The following A2M variants were observed in gnomAD, a reference collection of about 807,000 sequenced individuals.
A2M encodes alpha-2-macroglobulin.
A2M carries 128 observed loss-of-function variants against 183.9 expected under a neutral mutation model. That is an observed-to-expected ratio of 0.70 (90% CI 0.60 to 0.81). A2M has a LOEUF of 0.81. A2M is among the 30% of genes least tolerant of loss of function. The pLI, the probability that A2M is intolerant of heterozygous loss-of-function variation, is 0.00. For synonymous variants in A2M, 592 were observed against 670.8 expected (o/e 0.88, Z 1.81); for missense variants, 1,495 against 1,787.6 (o/e 0.84, Z 2.95).
chr12:9,113,328 C>A (rs1202742866), intron 2 of A2M, 32 bp downstream of exon 2: 53 of 1,607,458 alleles, frequency 3.3e-5, no homozygotes, highest in Non-Finnish European at 4.3e-5. Context: ...ACTAAAAGAA[C>A]CAAGTATATT....
chr12:9,091,506 G>T lies in A2M; in HGVS notation c.2241-77C>A, dbSNP rs11833893. ...TTCTAGGGAGAGAATCCCTAGGAAT[G>T]ATTCTACTGCCATGACTTAAAAACA... On this transcript the variant is annotated intron_variant, in intron 18 of 35. Transcript: ENST00000318602. The T allele has an allele frequency of 1.3e-3, 1,948 of 1,463,156 alleles. 23 individuals are homozygous for T. In the African/African-American group the frequency reaches 0.024, roughly 18 times the overall value. The allele number at this position is 1,463,156 out of a possible 1,614,324, so 90.6% of individuals were successfully genotyped here. A position where few individuals can be genotyped will look rare whatever the true frequency, so the allele number is the denominator to read the frequency against.
chr12:9,110,259 A>T, intron 5 of A2M, 55 bp downstream of exon 5: 3 of 1,355,584 alleles, frequency 2.2e-6, no homozygotes, highest in Non-Finnish European at 3.0e-6. Flanking sequence ...AAATAAGAAC[A>T]TTTTCCCTAT....
rs1459205515 is a variant in A2M, at chr12:9,095,635, A to T, written c.1917T>A (p.Asn639Lys). Residue 639 changes from asparagine (N) to lysine (K), a missense_variant, in exon 16 of 36, where the codon AAT becomes AAA. By Grantham distance (94) the Asn-to-Lys change is moderately conservative. Coordinates refer to ENST00000318602, the MANE Select transcript of A2M (RefSeq NM_000014.6). ...CATTATGACGATTGATGCAGTCTTC[A>T]TTGTCCTGGTCATTCAAAGGCCCAG... is the stretch of plus-strand genomic sequence containing the variant. ...GFPGPLNDQDNEDCINRHNVY... is the reference protein window; with the variant it reads ...GFPGPLNDQDKEDCINRHNVY... The T allele has an allele frequency of 6.2e-7, 1 of 1,612,744 alleles. No individual in the cohort carries two copies. The highest frequency in any genetic ancestry group is 8.5e-7 in the Non-Finnish European group (1 of 1,179,036).
At chr12:9,083,867 C>G (rs1490190999) in intron 22 of A2M, among the ~76,000 whole-genome samples, 4 of 151,174 alleles carry the variant, frequency 2.6e-5, no homozygotes, top group African/African-American at 9.7e-5. Flanking sequence ...AAGAACTGCT[C>G]ACTAAGACAC....
intron 1 of A2M, among the ~76,000 whole-genome samples, chr12:9,114,896 A>T (rs182028342): frequency 1.1e-4 from 16 of 152,334 alleles, no homozygotes; most frequent in Non-Finnish European, 2.1e-4. Context: ...AATACAAAGT[A>T]TGATTCATAC....
intron 25 of A2M, 22 bp from the exon 26 acceptor site, chr12:9,077,879 A>G (rs756313940): frequency 6.2e-7 from 1 of 1,613,970 alleles, no homozygotes; most frequent in Non-Finnish European, 8.5e-7. Flanking sequence ...GGAAGCAATC[A>G]TGATGTTTAT....
rs746195619 is a variant in A2M at position 9,113,524 on chromosome 12, G to A, written c.106C>T (p.Pro36Ser). ...GTGGTCTCAGTGTGGAGCAGGGAGGGGACCAGAACCATATACTGCCTGGGA... is the reference window on the plus strand; with the variant it reads ...GTGGTCTCAGTGTGGAGCAGGGAGGAGACCAGAACCATATACTGCCTGGGA... ...SGKPQYMVLV[P>S]SLLHTETTEK... The change falls in exon 2 of 36, where the codon CCC (proline) becomes TCC (serine). Residue 36 changes from proline (P) to serine (S), a missense_variant. Coordinates refer to ENST00000318602, the MANE Select transcript of A2M (RefSeq NM_000014.6). 3 of 1,613,732 alleles carry A rather than the reference G, an allele frequency of 1.9e-6. No individual in the cohort carries two copies. The highest frequency in any genetic ancestry group is 1.3e-5 in the African/African-American group (1 of 74,932).
At chr12:9,094,055 C>T (rs1368949453) in intron 17 of A2M, among the ~76,000 whole-genome samples, 3 of 151,932 alleles carry the variant, frequency 2.0e-5, no homozygotes, top group South Asian at 2.1e-4. Flanking sequence ...TGGCTGCTGC[C>T]GCTGTGCTAA....
chr12:9,084,156 C>T (rs1032234663), intron 22 of A2M, among the ~76,000 whole-genome samples: 2 of 152,122 alleles, frequency 1.3e-5, no homozygotes, highest in Middle Eastern at 3.4e-3. Context: ...CTAAGGGAGT[C>T]GTCAACATTA....
rs765448895 is a variant in A2M, at chr12:9,079,361, A to G, written c.3032-30T>C. The G allele has an allele frequency of 2.6e-6, 4 of 1,557,854 alleles. No homozygotes were observed. The Admixed American group carries it at 6.7e-5, about 26-fold the overall frequency. ...AAAGGAAGATTAACGAAACAGCACA[A>G]TGGATTAATGTGCATGCTGAGGGTG... On this transcript the variant is annotated intron_variant, in intron 24 of 35. Transcript: ENST00000318602.
At chr12:9,083,609 A>T (rs1349714902) in intron 22 of A2M, among the ~76,000 whole-genome samples, 1 of 151,808 alleles carries the variant, frequency 6.6e-6, no homozygotes, top group East Asian at 1.9e-4. Flanking sequence ...AGAAGAGCAG[A>T]AAGACAAAAG....
chr12:9,074,686 G>A lies in A2M; in HGVS notation c.3630C>T (p.Ser1210=). 6.2e-7 allele frequency: 1 copy of A among 1,614,028 alleles called. No homozygotes were observed. Among genetic ancestry groups the A allele is most frequent in the Non-Finnish European group, 8.5e-7 (1 of 1,179,982 alleles). ...CCGTGAGATAAGCGAGGAGCACATA[G>A]GATGTCATCTCCACCTCAGCAGAGG... ...QAPSAEVEMT[S]YVLLAYLTAQ... The change falls in exon 29 of 36, where the codon TCC becomes TCT. Residue 1210 remains serine, a synonymous_variant. Coordinates refer to ENST00000318602, the MANE Select transcript of A2M (RefSeq NM_000014.6).
At chr12:9,069,456 T>G (rs774855856) in intron 33 of A2M, among the ~76,000 whole-genome samples, 179 of 152,306 alleles carry the variant, frequency 1.2e-3, no homozygotes, top group African/African-American at 3.4e-3. Flanking sequence ...TTCCTTATAT[T>G]ACTGGGTATC....
At position 9,113,540 on chromosome 12, in the gene A2M, C is replaced by CAG; in HGVS notation, c.89_90insCT (p.Gln30HisfsTer23). On this transcript the variant is annotated frameshift_variant, in exon 2 of 36. Transcript: ENST00000318602. LOFTEE classifies it high-confidence loss of function. ...GCAGGGAGGGGACCAGAACCATATA[C>CAG]TGCCTGGGAATGAGACGGTTCAGTT... The CAG allele has an allele frequency of 6.2e-7, 1 of 1,613,544 alleles. No homozygotes were observed. The highest frequency in any genetic ancestry group is 1.3e-5 in the African/African-American group (1 of 74,960).
Position 9,074,676 on chromosome 12 carries a change from G to C in A2M, c.3640C>G (p.Leu1214Val), listed in dbSNP as rs1225006971. Residue 1214 changes from leucine to valine, a missense_variant, in exon 29 of 36, where the codon CTC becomes GTC. Coordinates refer to ENST00000318602, the MANE Select transcript of A2M (RefSeq NM_000014.6). Reference protein sequence around the residue: ...AEVEMTSYVLLAYLTAQPAPT... With the variant: ...AEVEMTSYVLVAYLTAQPAPT... ...GCTGGCTGGGCCGTGAGATAAGCGA[G>C]GAGCACATAGGATGTCATCTCCACC... is the stretch of plus-strand genomic sequence containing the variant. 2.5e-6 allele frequency: 4 copies of C among 1,613,890 alleles called. No homozygotes were observed. The Admixed American group carries it at 6.7e-5, about 27-fold the overall frequency.
In A2M at chr12:9,101,651, G is replaced by A; in HGVS notation, c.1290C>T (p.Pro430=). The A allele has an allele frequency of 6.2e-7, 1 of 1,613,476 alleles. No homozygotes were observed. Residue 430 remains proline (P), a synonymous_variant, in exon 12 of 36, where the codon CCC becomes CCT. Transcript: ENST00000318602. ...CTGACACCCACTGGTAGCCGTAACA[G>A]GGACTACGATCCTTGTAATTGACCT... ...TVRVNYKDRS[P]CYGYQWVSEE... is the part of the protein sequence containing the mutation.
At chr12:9,084,405 T>C (rs1948995537) in intron 22 of A2M, among the ~76,000 whole-genome samples, 1 of 152,174 alleles carries the variant, frequency 6.6e-6, no homozygotes, top group Admixed American at 6.5e-5. Context: ...AAATACACAT[T>C]ACAAAATATG....
Position 9,106,364 on chromosome 12 carries a change from A to G in A2M, c.995-19T>C. On this transcript the variant is annotated intron_variant, in intron 9 of 35. Transcript: ENST00000318602. ...TCCACCACTGAAAAAAGAGAAAAAA[A>G]TCTGTTATTTTTGGGAAGAATGATG... The G allele has an allele frequency of 1.9e-6, 3 of 1,561,846 alleles. No individual in the cohort carries two copies. The highest frequency in any genetic ancestry group is 1.4e-5 in the African/African-American group (1 of 73,582).
rs376535593 is a variant in A2M at position 9,068,890 on chromosome 12, C to A, written c.4264-48G>T. ...ATGACCTTTCAGGAAGCTTTCTTCT[C>A]TCTTTGAATTAGTTTAAGTATTCAC... On this transcript the variant is annotated intron_variant, in intron 33 of 35. Coordinates refer to ENST00000318602, the MANE Select transcript of A2M (RefSeq NM_000014.6). 6 of 1,378,304 alleles carry A rather than the reference C, an allele frequency of 4.4e-6. No homozygotes were observed. The South Asian group carries it at 6.7e-5, about 15-fold the overall frequency. 85.4% of individuals were successfully genotyped at this position (1,378,304 alleles called of 1,614,324 possible).
Sources: gnomAD v4.1 joint callset for allele counts (sites outside exome capture counted in the v4.1 genomes callset) on GRCh38, gnomAD v4.1.1 for gene constraint, MANE v1.5 for transcripts, NCBI Gene and HGNC (gene_info 2026-07-23, HGNC 2026-07-21) for gene names.